Variants in GPC5 observed in about 807,000 individuals in gnomAD.
The protein encoded by GPC5 is glypican-5.
A neutral mutation model predicts 53.9 loss-of-function variants in GPC5; 47 were observed. The ratio of observed to expected loss-of-function variants is 0.87; its 90% CI spans 0.69 to 1.11. The LOEUF (loss-of-function observed/expected upper bound fraction) is 1.11, where lower values mean the gene tolerates loss of function less well. GPC5 is among the 50% of genes most tolerant of loss of function. The probability of loss-of-function intolerance (pLI) is 0.00; values close to 1 mark genes in which losing one functional copy is unlikely to be tolerated. For missense variants in GPC5, 748 were observed against 713.1 expected (o/e 1.05, Z -0.56); for synonymous variants, 286 against 263.3 (o/e 1.09, Z -0.84).
intron 2 of GPC5, among the ~76,000 whole-genome samples, chr13:91,460,201 A>G (rs979520890): frequency 1.3e-5 from 2 of 152,160 alleles, no homozygotes; most frequent in African/African-American, 4.8e-5. Context: ...GGTAATTCTC[A>G]TAATAGGAAC....
Position 92,352,124 on chromosome 13 carries a change from C to T in GPC5, c.1561+207135C>T, listed in dbSNP as rs116041548. Among the ~76,000 whole-genome samples the T allele has an allele frequency of 2.9e-4, 44 of 152,188 alleles. 1 individual carries two copies. Among genetic ancestry groups the T allele is most frequent in the African/African-American group, 1.0e-3 (43 of 41,524 alleles). ...ACAGTCAGAATGCTGAGAAACAGAA[C>T]CATGCTTGTGTGGAACCTCATTATA... On this transcript the variant is annotated intron_variant, in intron 7 of 7. Coordinates refer to ENST00000377067, the MANE Select transcript of GPC5 (RefSeq NM_004466.6).
intron 7 of GPC5, among the ~76,000 whole-genome samples, chr13:92,442,625 T>C (rs1402890159): frequency 1.3e-5 from 2 of 152,170 alleles, no homozygotes; most frequent in Non-Finnish European, 2.9e-5. Flanking sequence ...AAAAAAGTAA[T>C]ATTGGAATCC....
intron 2 of GPC5, among the ~76,000 whole-genome samples, chr13:91,540,665 A>T (rs2029881850): frequency 6.6e-6 from 1 of 152,228 alleles, no homozygotes; most frequent in Non-Finnish European, 1.5e-5. Flanking sequence ...CAGTGTAAAT[A>T]GATGGACTTG....
chr13:91,973,361 C>T (rs1291066543), intron 6 of GPC5, among the ~76,000 whole-genome samples: 2 of 152,158 alleles, frequency 1.3e-5, no homozygotes, highest in Non-Finnish European at 2.9e-5. Context: ...TCTAGTCATC[C>T]ATTCGTCTAA....
chr13:92,856,824 A>T (rs1879016489), intron 7 of GPC5, among the ~76,000 whole-genome samples: 1 of 152,150 alleles, frequency 6.6e-6, no homozygotes, highest in African/African-American at 2.4e-5. Flanking sequence ...TATGAAAGAA[A>T]TTGCAGATGA....
chr13:92,173,045 T>C, intron 7 of GPC5, among the ~76,000 whole-genome samples: 1 of 140,920 alleles, frequency 7.1e-6, no homozygotes, highest in Non-Finnish European at 1.6e-5. Flanking sequence ...CCACCAAAGC[T>C]TTTTTTGGTT....
chr13:92,765,233 G>A (rs1249026483), intron 7 of GPC5, among the ~76,000 whole-genome samples: 1 of 152,116 alleles, frequency 6.6e-6, no homozygotes, highest in East Asian at 1.9e-4. Flanking sequence ...TTTGGGGCCA[G>A]ATGCATGTTG....
intron 2 of GPC5, among the ~76,000 whole-genome samples, chr13:91,498,399 C>A (rs1884420285): frequency 6.6e-6 from 1 of 151,982 alleles, no homozygotes; most frequent in Non-Finnish European, 1.5e-5. Context: ...AAAAAAGCAA[C>A]CTGTCTTGTG....
At chr13:91,604,727 G>T (rs1184774816) in intron 2 of GPC5, among the ~76,000 whole-genome samples, 1 of 107,272 alleles carries the variant, frequency 9.3e-6, no homozygotes, top group East Asian at 2.3e-4. Context: ...TTTTTCATGT[G>T]TTTTTTGGCT....
intron 7 of GPC5, among the ~76,000 whole-genome samples, chr13:92,186,555 G>GATTCTTTTTGAATCTGCA (rs2042185219): frequency 6.6e-6 from 1 of 151,830 alleles, no homozygotes; most frequent in Non-Finnish European, 1.5e-5. Flanking sequence ...TGCTTAGTAA[G>GATTCTTTTTGAATCTGCA]GTTTTAAAAT....
intron 2 of GPC5, among the ~76,000 whole-genome samples, chr13:91,519,180 G>T (rs1326156702): frequency 6.6e-6 from 1 of 152,160 alleles, no homozygotes; most frequent in Non-Finnish European, 1.5e-5. Context: ...AGTGTCTTGG[G>T]ATAGATGAGC....
chr13:92,821,166 C>T (rs1345126727), intron 7 of GPC5, among the ~76,000 whole-genome samples: 1 of 152,060 alleles, frequency 6.6e-6, no homozygotes, highest in Non-Finnish European at 1.5e-5. Flanking sequence ...ATCTTTCCTG[C>T]CAAACTATAT....
At position 92,344,414 on chromosome 13, in the gene GPC5, G is replaced by A. The variant is rs191139932; in HGVS notation, c.1561+199425G>A. 3.3e-5 allele frequency among the ~76,000 whole-genome samples: 5 copies of A among 152,218 alleles called. No homozygotes were observed. The East Asian group carries it at 9.7e-4, about 29-fold the overall frequency. On this transcript the variant is annotated intron_variant, in intron 7 of 7. Transcript: ENST00000377067. ...AAGATGAGATTTGGGCGGGGACACA[G>A]CTAAACCATATCATCATCTATCACT... is the stretch of plus-strand genomic sequence containing the variant.
chr13:91,618,618 G>A (rs2139350998), intron 2 of GPC5, among the ~76,000 whole-genome samples: 1 of 151,906 alleles, frequency 6.6e-6, no homozygotes, highest in East Asian at 1.9e-4. Flanking sequence ...CTTTAGACCA[G>A]TGGCAAGATC....
At chr13:92,175,263 ATGTT>A (rs2042101521) in intron 7 of GPC5, among the ~76,000 whole-genome samples, 1 of 152,196 alleles carries the variant, frequency 6.6e-6, no homozygotes, top group African/African-American at 2.4e-5. Context: ...GTGACCCTGT[ATGTT>A]TGTTTCTGTT....
At chr13:92,438,383 A>T (rs7987747) in intron 7 of GPC5, among the ~76,000 whole-genome samples, 98 of 123,714 alleles carry the variant, frequency 7.9e-4, no homozygotes, top group African/African-American at 2.8e-3. Context: ...AAGCAAAATA[A>T]ATATATATAT....
intron 7 of GPC5, among the ~76,000 whole-genome samples, chr13:92,453,598 TG>T (rs1382159938): frequency 6.6e-6 from 1 of 152,196 alleles, no homozygotes; most frequent in East Asian, 1.9e-4. Flanking sequence ...GGCATTGCAA[TG>T]TTTTGACATT....
At chr13:91,499,910 C>T (rs1460812412) in intron 2 of GPC5, among the ~76,000 whole-genome samples, 1 of 152,188 alleles carries the variant, frequency 6.6e-6, no homozygotes, top group African/African-American at 2.4e-5. Context: ...TATTTATTGC[C>T]TGTCTCTACA....
chr13:92,079,563 G>T (rs2041279268), intron 6 of GPC5, among the ~76,000 whole-genome samples: 1 of 152,150 alleles, frequency 6.6e-6, no homozygotes, highest in African/African-American at 2.4e-5. Context: ...GATTAACTCA[G>T]TGTCTGCCAT....
Sources: gnomAD v4.1 joint callset for allele counts (sites outside exome capture counted in the v4.1 genomes callset) on GRCh38, gnomAD v4.1.1 for gene constraint, MANE v1.5 for transcripts, NCBI Gene and HGNC (gene_info 2026-07-23, HGNC 2026-07-21) for gene names.